The following VPS35L variants were observed in gnomAD, a reference collection of about 807,000 sequenced individuals.
VPS35L encodes the protein VPS35 endosomal protein sorting factor like.
A neutral mutation model predicts 133.0 loss-of-function variants in VPS35L; 83 were observed. The observed-to-expected ratio is 0.62, with a 90% confidence interval of 0.52 to 0.75. The LOEUF (loss-of-function observed/expected upper bound fraction) is 0.75. VPS35L is among the 30% of genes least tolerant of loss of function. The pLI, the probability that VPS35L is intolerant of heterozygous loss-of-function variation, is 0.00. For missense variants in VPS35L, 1,083 were observed against 1,206.8 expected (o/e 0.90, Z 1.52); for synonymous variants, 423 against 449.9 (o/e 0.94, Z 0.76).
chr16:19,671,233 C>T (rs574387730), intron 27 of VPS35L, among the ~76,000 whole-genome samples: 2 of 152,212 alleles, frequency 1.3e-5, no homozygotes, highest in Admixed American at 6.5e-5. Flanking sequence ...CTTTGGGAGG[C>T]GGAGGTGGAC....
intron 1 of VPS35L, among the ~76,000 whole-genome samples, chr16:19,563,645 T>C (rs12600013): frequency 0.12 from 18,892 of 152,276 alleles, 1,302 homozygotes; most frequent in Middle Eastern, 0.18. Context: ...CCCCCTTTAT[T>C]TTCCAGCTCA....
chr16:19,590,670 C>T (rs1045775844), intron 7 of VPS35L, among the ~76,000 whole-genome samples: 2 of 152,002 alleles, frequency 1.3e-5, no homozygotes, highest in African/African-American at 4.8e-5. Context: ...ACATGTTGGC[C>T]GGGTGCAGTG....
intron 28 of VPS35L, among the ~76,000 whole-genome samples, chr16:19,688,409 A>T (rs1445338749): frequency 6.6e-6 from 1 of 152,222 alleles, no homozygotes; most frequent in Non-Finnish European, 1.5e-5. Flanking sequence ...AGATAAGCTA[A>T]ACTGGATGTG....
chr16:19,562,591 C>T (rs1395221242), intron 1 of VPS35L, among the ~76,000 whole-genome samples: 1 of 152,138 alleles, frequency 6.6e-6, no homozygotes, highest in Non-Finnish European at 1.5e-5. Context: ...TGGATACACA[C>T]ATTGCATAAA....
intron 26 of VPS35L, among the ~76,000 whole-genome samples, chr16:19,656,943 A>G (rs183556316): frequency 3.3e-5 from 5 of 150,232 alleles, no homozygotes; most frequent in African/African-American, 9.8e-5. Flanking sequence ...TTAAAGAGAG[A>G]TAGTGGTCAA....
intron 27 of VPS35L, among the ~76,000 whole-genome samples, chr16:19,681,769 G>A (rs552262511): frequency 2.1e-4 from 32 of 152,304 alleles, no homozygotes; most frequent in African/African-American, 4.6e-4. Flanking sequence ...TAAAGTCACT[G>A]CCTCGAGTGG....
chr16:19,629,899 A>G, intron 18 of VPS35L, 79 bp downstream of exon 18: 2 of 1,372,978 alleles, frequency 1.5e-6, no homozygotes. Context: ...TAGTTTAGGT[A>G]TTGAGGCATT....
rs114043808 is a variant in VPS35L at position 19,625,588 on chromosome 16, A to G, written c.1225-589A>G. On this transcript the variant is annotated intron_variant, in intron 14 of 30. Coordinates refer to ENST00000417362, the MANE Select transcript of VPS35L (RefSeq NM_020314.7). ...AGACCCAGGTTCGACAGAGTTGGCAACTCTTCCGAAGTCTCATCATTGGTA... is the reference window on the plus strand; with the variant it reads ...AGACCCAGGTTCGACAGAGTTGGCAGCTCTTCCGAAGTCTCATCATTGGTA... Among the ~76,000 whole-genome samples the G allele has an allele frequency of 6.6e-3, 995 of 151,906 alleles. 8 individuals are homozygous for G. Among genetic ancestry groups the G allele is most frequent in the African/African-American group, 0.022 (921 of 41,390 alleles).
chr16:19,689,393 C>T (rs1464060592), intron 28 of VPS35L, among the ~76,000 whole-genome samples: 2 of 151,430 alleles, frequency 1.3e-5, no homozygotes, highest in Non-Finnish European at 2.9e-5. Context: ...GCCTTAGCCT[C>T]CCAAGTAGCC....
chr16:19,700,247 C>T, intron 30 of VPS35L, 131 bp from the exon 31 acceptor site: 1 of 725,054 alleles, frequency 1.4e-6, no homozygotes, highest in Non-Finnish European at 2.3e-6. Context: ...TTTCTTCCCT[C>T]CTCTCATCCC....
intron 1 of VPS35L, among the ~76,000 whole-genome samples, chr16:19,557,001 A>G (rs1197478873): frequency 6.6e-6 from 1 of 152,052 alleles, no homozygotes; most frequent in Non-Finnish European, 1.5e-5. Context: ...TAGTGGTGGC[A>G]CGCACCTGTA....
intron 4 of VPS35L, 24 bp from the exon 5 acceptor site, chr16:19,575,074 T>C (rs779079387): frequency 7.6e-6 from 12 of 1,581,124 alleles, no homozygotes; most frequent in Non-Finnish European, 9.5e-6. Context: ...TTTTAAAATA[T>C]TAATGAATTT....
rs148090473 is a variant in VPS35L, at chr16:19,614,038, G to A, written c.1024-2076G>A. On this transcript the variant is annotated intron_variant, in intron 12 of 30. Coordinates refer to ENST00000417362, the MANE Select transcript of VPS35L (RefSeq NM_020314.7). ...AAAGCTCTGAGTGGGTAGAGCGTGG[G>A]GGGAGCTTGAAGCTGTTATTAAAGG... Among the ~76,000 whole-genome samples the A allele has an allele frequency of 3.3e-3, 504 of 151,716 alleles. 2 individuals carry two copies. The highest frequency in any genetic ancestry group is 0.012 in the African/African-American group (489 of 41,080).
chr16:19,666,927 T>TCTTCCTTC (rs57691626), intron 26 of VPS35L, among the ~76,000 whole-genome samples: 11 of 62,992 alleles, frequency 1.7e-4, no homozygotes, highest in African/African-American at 6.7e-4. Context: ...TTTCTTTCTT[T>TCTTCCTTC]CTTTCTTCCT....
chr16:19,567,377 A>G (rs1971221943), intron 2 of VPS35L, among the ~76,000 whole-genome samples: 1 of 152,196 alleles, frequency 6.6e-6, no homozygotes, highest in Admixed American at 6.5e-5. Context: ...CCTGCTGTAT[A>G]GAATAAGTTG....
Position 19,691,460 on chromosome 16 carries a change from G to A in VPS35L, c.2635G>A (p.Ala879Thr), listed in dbSNP as rs1975681973. The A allele has an allele frequency of 6.2e-7, 1 of 1,613,646 alleles. No individual in the cohort carries two copies. The highest frequency in any genetic ancestry group is 8.5e-7 in the Non-Finnish European group (1 of 1,179,628). Residue 879 changes from alanine to threonine, a missense_variant, in exon 29 of 31, where the codon GCC (alanine) becomes ACC (threonine). By Grantham distance (58) the Ala-to-Thr change is moderately conservative. Transcript: ENST00000417362. ...AQILEHLKTL[A>T]KDEALKRQSS... ...GATCCTAGAGCATCTGAAAACCCTGGCCAAGGACGAGGTGGGTGCCCTCTG... is the reference window on the plus strand; with the variant it reads ...GATCCTAGAGCATCTGAAAACCCTGACCAAGGACGAGGTGGGTGCCCTCTG...
intron 1 of VPS35L, among the ~76,000 whole-genome samples, chr16:19,557,024 T>TGGGA (rs1245341532): frequency 6.6e-6 from 1 of 152,050 alleles, no homozygotes; most frequent in Admixed American, 6.6e-5. Flanking sequence ...CCCAGCTACT[T>TGGGA]GGGAGGGTGA....
intron 25 of VPS35L, among the ~76,000 whole-genome samples, chr16:19,651,274 C>T (rs1974114163): frequency 6.8e-6 from 1 of 147,298 alleles, no homozygotes; most frequent in African/African-American, 2.5e-5. Flanking sequence ...GCTATTCATT[C>T]ATTTATTTAT....
chr16:19,668,822 G>A (rs1286486249), intron 26 of VPS35L, among the ~76,000 whole-genome samples: 3 of 152,116 alleles, frequency 2.0e-5, no homozygotes, highest in Non-Finnish European at 2.9e-5. Flanking sequence ...CACCTTCCTC[G>A]CACTGGTAGA....
Sources: allele counts gnomAD v4.1 joint callset (sites outside exome capture counted in the v4.1 genomes callset), GRCh38; gene constraint gnomAD v4.1.1; transcripts MANE v1.5; gene names NCBI Gene and HGNC (gene_info 2026-07-23, HGNC 2026-07-21).